Variants in SLC45A2 observed in about 807,000 individuals in gnomAD.
The protein encoded by SLC45A2 is solute carrier family 45 member 2.
A neutral mutation model predicts 45.5 loss-of-function variants in SLC45A2; 36 were observed. That is an observed-to-expected ratio of 0.79 (90% CI 0.61 to 1.04). The LOEUF (loss-of-function observed/expected upper bound fraction) is 1.04, where lower values mean the gene tolerates loss of function less well. Ranked by LOEUF, SLC45A2 falls within the 50% of genes least tolerant of loss-of-function variation. SLC45A2 has a pLI of 0.00. For synonymous variants in SLC45A2, 306 were observed against 269.3 expected, an observed-to-expected ratio of 1.14 and a Z score of -1.33; for missense variants, 719 against 671.0, an observed-to-expected ratio of 1.07 and a Z score of -0.79.
At chr5:33,981,121 A>G (rs991508269) in intron 2 of SLC45A2, among the ~76,000 whole-genome samples, 2 of 152,206 alleles carry the variant, frequency 1.3e-5, no homozygotes, top group African/African-American at 4.8e-5. Context: ...GCCATGTCTT[A>G]GGTGCCTTTA....
intron 2 of SLC45A2, among the ~76,000 whole-genome samples, chr5:33,974,239 A>G (rs1752862425): frequency 6.6e-6 from 1 of 152,220 alleles, no homozygotes; most frequent in Admixed American, 6.5e-5. Flanking sequence ...TGGCTACCAC[A>G]TATGCCAGGG....
intron 2 of SLC45A2, among the ~76,000 whole-genome samples, chr5:33,969,497 T>C (rs544518622): frequency 2.0e-5 from 3 of 152,280 alleles, no homozygotes; most frequent in South Asian, 2.1e-4. Flanking sequence ...CTTTCACATT[T>C]AAGCTGGGCC....
intron 6 of SLC45A2, 36 bp from the exon 7 acceptor site, chr5:33,944,908 A>G (rs768663914): frequency 6.3e-7 from 1 of 1,582,948 alleles, no homozygotes; most frequent in South Asian, 1.1e-5. Context: ...TTTGACCTAC[A>G]AGGAACTGTC....
intron 2 of SLC45A2, among the ~76,000 whole-genome samples, chr5:33,968,783 G>A (rs1033410294): frequency 1.3e-5 from 2 of 152,150 alleles, no homozygotes; most frequent in African/African-American, 4.8e-5. Flanking sequence ...CAGGCATCAG[G>A]TGTGTGGCTT....
chr5:33,984,274 G>A lies in SLC45A2; in HGVS notation c.310C>T (p.Pro104Ser), dbSNP rs372381365. The change falls in exon 1 of 7, where the codon CCC becomes TCC. Residue 104 changes from proline (P) to serine (S), a missense_variant. Pro to Ser is a moderately conservative substitution (Grantham distance 74). Coordinates refer to ENST00000296589, the MANE Select transcript of SLC45A2 (RefSeq NM_016180.5). ...ATGACTCCCAGGGTGAGGATGTAGG[G>A]TCTCCGGCGGCCCCACCTGGACCGG... ...HCRSRWGRRR[P>S]YILTLGVMML... 5.3e-5 allele frequency: 86 copies of A among 1,614,060 alleles called. No individual in the cohort carries two copies. Among genetic ancestry groups the A allele is most frequent in the Non-Finnish European group, 6.4e-5 (76 of 1,180,050 alleles).
chr5:33,958,117 T>C (rs1752333090), intron 3 of SLC45A2, among the ~76,000 whole-genome samples: 1 of 152,096 alleles, frequency 6.6e-6, no homozygotes, highest in Non-Finnish European at 1.5e-5. Flanking sequence ...GCGAAAAAGG[T>C]ACAGAGTCAT....
intron 2 of SLC45A2, among the ~76,000 whole-genome samples, chr5:33,980,820 T>TGG (rs1399693810): frequency 6.7e-6 from 1 of 150,026 alleles, no homozygotes; most frequent in Admixed American, 6.6e-5. Context: ...GAAAGAGGAG[T>TGG]GGTCATACTA....
At chr5:33,959,302 C>A (rs1752373221) in intron 3 of SLC45A2, among the ~76,000 whole-genome samples, 1 of 152,118 alleles carries the variant, frequency 6.6e-6, no homozygotes, top group Non-Finnish European at 1.5e-5. Context: ...TTTTTAATGA[C>A]CGCATGAATG....
chr5:33,965,150 T>TTG (rs1296735246), intron 2 of SLC45A2, among the ~76,000 whole-genome samples: 1 of 152,250 alleles, frequency 6.6e-6, no homozygotes, highest in Admixed American at 6.5e-5. Flanking sequence ...TTGATTTTTT[T>TTG]TGTGTGTGTG....
At chr5:33,974,327 A>G (rs375997771) in intron 2 of SLC45A2, among the ~76,000 whole-genome samples, 52 of 152,322 alleles carry the variant, frequency 3.4e-4, no homozygotes, top group African/African-American at 1.2e-3. Context: ...GAGCCAGTAC[A>G]GTCTTTTCTC....
intron 6 of SLC45A2, among the ~76,000 whole-genome samples, chr5:33,945,700 G>T (rs968968303): frequency 6.6e-6 from 1 of 151,884 alleles, no homozygotes; most frequent in African/African-American, 2.4e-5. Flanking sequence ...CCACTAATTT[G>T]TTTGCTTTTC....
chr5:33,981,170 C>T (rs1435535996), intron 2 of SLC45A2, among the ~76,000 whole-genome samples: 3 of 152,190 alleles, frequency 2.0e-5, no homozygotes, highest in African/African-American at 7.2e-5. Context: ...CAGTGACAGA[C>T]GGGGCTGCAC....
At position 33,973,383 on chromosome 5, in the gene SLC45A2, G is replaced by T. The variant is rs74808064; in HGVS notation, c.562+8853C>A. 3.9e-5 allele frequency among the ~76,000 whole-genome samples: 6 copies of T among 152,272 alleles called. No homozygotes were observed. The East Asian group carries it at 1.2e-3, about 29-fold the overall frequency. On this transcript the variant is annotated intron_variant, in intron 2 of 6. Coordinates refer to ENST00000296589, the MANE Select transcript of SLC45A2 (RefSeq NM_016180.5). ...TGGCCATATCCTTTCCAAGCTGCCT[G>T]AATGAGGAGATGTGAAAGTCTACCA...
At chr5:33,980,457 C>T (rs1753043999) in intron 2 of SLC45A2, among the ~76,000 whole-genome samples, 1 of 152,188 alleles carries the variant, frequency 6.6e-6, no homozygotes, top group South Asian at 2.1e-4. Context: ...TCAGCTTCCA[C>T]ATCTGAAAAA....
chr5:33,967,617 T>C (rs1182151314), intron 2 of SLC45A2, among the ~76,000 whole-genome samples: 1 of 152,198 alleles, frequency 6.6e-6, no homozygotes, highest in Non-Finnish European at 1.5e-5. Flanking sequence ...GCACAGTGAT[T>C]TGCAGTCCTG....
At chr5:33,950,514 T>C (rs888606080) in intron 5 of SLC45A2, among the ~76,000 whole-genome samples, 3 of 152,228 alleles carry the variant, frequency 2.0e-5, no homozygotes, top group Non-Finnish European at 4.4e-5. Context: ...ATTTTCCCAA[T>C]TGGGCTAAAT....
At position 33,958,942 on chromosome 5, in the gene SLC45A2, A is replaced by C. The variant is rs57857439; in HGVS notation, c.889-4438T>G. Among the ~76,000 whole-genome samples the C allele has an allele frequency of 1.9e-3, 285 of 152,276 alleles. 1 individual carries two copies. Among genetic ancestry groups the C allele is most frequent in the African/African-American group, 6.6e-3 (275 of 41,548 alleles). On this transcript the variant is annotated intron_variant, in intron 3 of 6. Coordinates refer to ENST00000296589, the MANE Select transcript of SLC45A2 (RefSeq NM_016180.5). ...GAAGGGGACATCAAAGAGGTAGATA[A>C]TCTATCAGGGTGTTATCTATTATCA...
At chr5:33,954,989 T>C (rs1361133426) in intron 3 of SLC45A2, among the ~76,000 whole-genome samples, 1 of 152,212 alleles carries the variant, frequency 6.6e-6, no homozygotes, top group Non-Finnish European at 1.5e-5. Context: ...TTTGCAGATA[T>C]ATTAATAATT....
intron 2 of SLC45A2, among the ~76,000 whole-genome samples, chr5:33,965,417 A>G (rs1293433232): frequency 6.6e-6 from 1 of 152,242 alleles, no homozygotes; most frequent in Non-Finnish European, 1.5e-5. Context: ...CTATTTAAGG[A>G]GGACCAACAA....
Sources: allele counts gnomAD v4.1 joint callset (sites outside exome capture counted in the v4.1 genomes callset), GRCh38; gene constraint gnomAD v4.1.1; transcripts MANE v1.5; gene names NCBI Gene and HGNC (gene_info 2026-07-23, HGNC 2026-07-21).